The following SSH2 variants were observed in gnomAD, a reference collection of about 807,000 sequenced individuals.
The protein encoded by SSH2 is slingshot protein phosphatase 2.
In SSH2, 37 loss-of-function variants were observed where a neutral mutation model predicts 135.2. The ratio of observed to expected loss-of-function variants is 0.27; its 90% CI spans 0.21 to 0.36. SSH2 has a LOEUF of 0.36. Among genes scored for constraint, SSH2 ranks in the 10% least tolerant of loss-of-function variants. SSH2 has a pLI of 1.00. For missense variants in SSH2, 1,408 were observed against 1,765.3 expected, an observed-to-expected ratio of 0.80 and a Z score of 3.63; for synonymous variants, 628 against 646.2, an observed-to-expected ratio of 0.97 and a Z score of 0.43.
chr17:29,864,003 T>C (rs1317220821), intron 1 of SSH2: 1 of 152,140 alleles, frequency 6.6e-6, no homozygotes, highest in Non-Finnish European at 1.5e-5. Context: ...ATTTCAGATT[T>C]CTTATCTCAT....
Position 29,761,179 on chromosome 17 carries a change from C to G in SSH2, c.188+32715G>C, listed in dbSNP as rs1434985809. ...GGTTGATGGCGTTCTGCGAGATGACCGCGTTGGCGGAGAAGTAAGGAATCA... is the reference window on the plus strand; with the variant it reads ...GGTTGATGGCGTTCTGCGAGATGACGGCGTTGGCGGAGAAGTAAGGAATCA... On this transcript the variant is annotated intron_variant, in intron 3 of 15. Coordinates refer to ENST00000540801, the MANE Select transcript of SSH2 (RefSeq NM_001282129.2). 3.9e-6 allele frequency: 5 copies of G among 1,289,656 alleles called. No homozygotes were observed. In the Admixed American group the frequency reaches 1.1e-4, roughly 30 times the overall value. The allele number at this position is 1,289,656 out of a possible 1,614,324, so 79.9% of individuals were successfully genotyped here.
intron 1 of SSH2, chr17:29,864,141 T>G (rs1338891321): frequency 3.9e-5 from 6 of 151,932 alleles, no homozygotes; most frequent in African/African-American, 1.2e-4. Context: ...CCATCTCTAT[T>G]AAAAATACAA....
At chr17:29,874,885 A>C (rs2066001764) in intron 1 of SSH2, among the ~76,000 whole-genome samples, 1 of 152,176 alleles carries the variant, frequency 6.6e-6, no homozygotes, top group African/African-American at 2.4e-5. Context: ...GCAGATTTTC[A>C]AAAGATTGGG....
chr17:29,713,351 CA>C (rs2039508784), intron 3 of SSH2, among the ~76,000 whole-genome samples: 1 of 152,004 alleles, frequency 6.6e-6, no homozygotes, highest in Non-Finnish European at 1.5e-5. Context: ...AACAAACAAA[CA>C]AAACCCCCCC....
intron 1 of SSH2, among the ~76,000 whole-genome samples, chr17:29,907,576 C>A (rs1469648246): frequency 6.6e-6 from 1 of 152,182 alleles, no homozygotes; most frequent in East Asian, 1.9e-4. Flanking sequence ...AGCAGTCTTT[C>A]GAATATACAA....
At chr17:29,704,660 G>T (rs191156680) in intron 3 of SSH2, among the ~76,000 whole-genome samples, 1 of 145,156 alleles carries the variant, frequency 6.9e-6, no homozygotes, top group Admixed American at 7.1e-5. Flanking sequence ...TTATGATGGC[G>T]CCATTGTACT....
intron 1 of SSH2, among the ~76,000 whole-genome samples, chr17:29,905,754 G>C (rs2066642174): frequency 6.6e-6 from 1 of 152,148 alleles, no homozygotes; most frequent in African/African-American, 2.4e-5. Flanking sequence ...CAGTCCCATG[G>C]ACCAGAGTGG....
At chr17:29,639,631 G>C (rs2036064301) in intron 14 of SSH2, 1 of 151,866 alleles carries the variant, frequency 6.6e-6, no homozygotes, top group South Asian at 2.1e-4. Context: ...ATGAAGACAA[G>C]CTGTAATCAA....
At chr17:29,718,668 G>A (rs1287926568) in intron 3 of SSH2, among the ~76,000 whole-genome samples, 4 of 138,686 alleles carry the variant, frequency 2.9e-5, no homozygotes, top group Non-Finnish European at 6.0e-5. Flanking sequence ...GGGAGGCGGA[G>A]CTTGCAGTAA....
chr17:29,853,187 A>C (rs1377778603), intron 1 of SSH2, among the ~76,000 whole-genome samples: 1 of 150,282 alleles, frequency 6.7e-6, no homozygotes, highest in East Asian at 2.0e-4. Context: ...CCCGGGTTCA[A>C]GTGATTCTCC....
chr17:29,779,386 G>C (rs1313123406), intron 3 of SSH2, among the ~76,000 whole-genome samples: 1 of 152,158 alleles, frequency 6.6e-6, no homozygotes, highest in African/African-American at 2.4e-5. Context: ...TACTCTGTAT[G>C]ATAGCAGAAA....
At position 29,808,562 on chromosome 17, in the gene SSH2, T is replaced by G. The variant is rs577720714; in HGVS notation, c.145-14625A>C. ...CAACAACAGCACTCATCACTGACTA[T>G]CTTACCTCAATCTTCCCCACTCATC... is the stretch of plus-strand genomic sequence containing the variant. On this transcript the variant is annotated intron_variant, in intron 2 of 15. Coordinates refer to ENST00000540801, the MANE Select transcript of SSH2 (RefSeq NM_001282129.2). 6.0e-4 allele frequency among the ~76,000 whole-genome samples: 92 copies of G among 152,350 alleles called. 1 individual carries two copies. Among genetic ancestry groups the G allele is most frequent in the African/African-American group, 2.1e-3 (88 of 41,582 alleles).
chr17:29,738,615 G>A (rs1353366092), intron 3 of SSH2, among the ~76,000 whole-genome samples: 8 of 147,862 alleles, frequency 5.4e-5, no homozygotes, highest in East Asian at 2.0e-4. Context: ...GTGCAGTGCT[G>A]CAATCTTGGC....
At chr17:29,797,507 T>C (rs2042178639) in intron 2 of SSH2, among the ~76,000 whole-genome samples, 1 of 152,252 alleles carries the variant, frequency 6.6e-6, no homozygotes, top group Non-Finnish European at 1.5e-5. Context: ...CATTCCTTTT[T>C]ATCGCTGAGG....
At position 29,679,413 on chromosome 17, in the gene SSH2, T is replaced by A. The variant is rs75050243; in HGVS notation, c.480-1672A>T. ...TTTTTTAAAATTTATTTTTATTTTT[T>A]TTTTTATTTTTAAGATGGAGTTTCA... On this transcript the variant is annotated intron_variant, in intron 6 of 15. Coordinates refer to ENST00000540801, the MANE Select transcript of SSH2 (RefSeq NM_001282129.2). Among the ~76,000 whole-genome samples, 429 of 152,048 alleles carry A rather than the reference T, an allele frequency of 2.8e-3. 1 individual carries two copies. Among genetic ancestry groups the A allele is most frequent in the African/African-American group, 9.3e-3 (386 of 41,534 alleles).
intron 3 of SSH2, among the ~76,000 whole-genome samples, chr17:29,775,448 C>G (rs1183218524): frequency 6.6e-6 from 1 of 152,056 alleles, no homozygotes; most frequent in African/African-American, 2.4e-5. Context: ...ATTTATTCAC[C>G]AAATTAATAT....
chr17:29,903,691 T>C (rs1408337341), intron 1 of SSH2, among the ~76,000 whole-genome samples: 2 of 152,164 alleles, frequency 1.3e-5, no homozygotes, highest in African/African-American at 4.8e-5. Context: ...TCGCTCTTTT[T>C]CCCCTAGGGG....
chr17:29,679,695 C>T (rs942924850), intron 6 of SSH2, among the ~76,000 whole-genome samples: 3 of 152,182 alleles, frequency 2.0e-5, no homozygotes, highest in South Asian at 4.1e-4. Flanking sequence ...CGTGAGCCAC[C>T]GCGCCCAGCA....
intron 5 of SSH2, 34 bp downstream of exon 5, chr17:29,695,425 G>A: frequency 6.3e-7 from 1 of 1,586,854 alleles, no homozygotes; most frequent in Non-Finnish European, 8.6e-7. Context: ...ATAGTCTTTT[G>A]AGGAAGAAAA....
Sources: gnomAD v4.1 joint callset for allele counts (sites outside exome capture counted in the v4.1 genomes callset) on GRCh38, gnomAD v4.1.1 for gene constraint, MANE v1.5 for transcripts, NCBI Gene and HGNC (gene_info 2026-07-23, HGNC 2026-07-21) for gene names.